DARS2: variants seen among roughly 807,000 people sequenced by gnomAD.
DARS2 encodes aspartate--tRNA ligase, mitochondrial.
In DARS2, 63 loss-of-function variants were observed where a neutral mutation model predicts 83.0. That is an observed-to-expected ratio of 0.76 (90% CI 0.62 to 0.94). The LOEUF (loss-of-function observed/expected upper bound fraction) is 0.94. DARS2 is among the 40% of genes least tolerant of loss of function. The probability of loss-of-function intolerance (pLI) is 0.00; values close to 1 mark genes in which losing one functional copy is unlikely to be tolerated. For missense variants in DARS2, 675 were observed against 774.4 expected (o/e 0.87, Z 1.52); for synonymous variants, 250 against 269.3 (o/e 0.93, Z 0.70).
intron 2 of DARS2, 128 bp downstream of exon 2, chr1:173,826,914 C>T (rs954714228): frequency 1.3e-6 from 1 of 751,870 alleles, no homozygotes; most frequent in African/African-American, 1.7e-5. Context: ...TAAGAACTTA[C>T]TGAATTTTCA....
At chr1:173,854,904 G>T (rs1653804743) in intron 15 of DARS2, among the ~76,000 whole-genome samples, 1 of 152,156 alleles carries the variant, frequency 6.6e-6, no homozygotes, top group Non-Finnish European at 1.5e-5. Context: ...AGAATTTGAA[G>T]TTTGTTGGTG....
chr1:173,826,484 C>T (rs919289844), intron 1 of DARS2, among the ~76,000 whole-genome samples: 1 of 152,094 alleles, frequency 6.6e-6, no homozygotes, highest in African/African-American at 2.4e-5. Context: ...TTCAGTTATT[C>T]ACTTGGCTTT....
chr1:173,845,692 C>T (rs1265182772), intron 12 of DARS2, among the ~76,000 whole-genome samples: 2 of 152,064 alleles, frequency 1.3e-5, no homozygotes, highest in Non-Finnish European at 2.9e-5. Flanking sequence ...CGCACCACCG[C>T]ACTCCAGCCT....
chr1:173,839,157 C>G (rs1274477182), intron 9 of DARS2, among the ~76,000 whole-genome samples: 1 of 152,192 alleles, frequency 6.6e-6, no homozygotes, highest in Non-Finnish European at 1.5e-5. Flanking sequence ...ACTTAGTTCT[C>G]TGAGCCTTCA....
intron 7 of DARS2, among the ~76,000 whole-genome samples, chr1:173,835,407 A>G (rs993040119): frequency 6.8e-6 from 1 of 147,122 alleles, no homozygotes; most frequent in East Asian, 2.3e-4. Flanking sequence ...TTGGTTCTTT[A>G]AGAACAAATC....
At chr1:173,850,533 C>G in intron 13 of DARS2, 54 bp downstream of exon 13, 1 of 1,566,974 alleles carries the variant, frequency 6.4e-7, no homozygotes, top group South Asian at 1.1e-5. Context: ...CAATGCCTTA[C>G]TCTCCTATGT....
chr1:173,846,887 T>A (rs1303370461), intron 12 of DARS2, among the ~76,000 whole-genome samples: 2 of 152,170 alleles, frequency 1.3e-5, no homozygotes, highest in African/African-American at 4.8e-5. Context: ...AAGGAATTAA[T>A]ATTAAAGTTC....
intron 11 of DARS2, among the ~76,000 whole-genome samples, chr1:173,844,070 A>G (rs1653330055): frequency 1.3e-5 from 2 of 152,222 alleles, no homozygotes; most frequent in African/African-American, 4.8e-5. Flanking sequence ...AAGTTCTCAC[A>G]TAGGGGATCT....
intron 11 of DARS2, among the ~76,000 whole-genome samples, chr1:173,843,470 G>A (rs1490774941): frequency 6.6e-6 from 1 of 152,140 alleles, no homozygotes; most frequent in African/African-American, 2.4e-5. Flanking sequence ...TGAGGCAGAA[G>A]AATCGCTTGA....
chr1:173,855,328 C>T (rs1653820600), intron 15 of DARS2, among the ~76,000 whole-genome samples: 1 of 152,172 alleles, frequency 6.6e-6, no homozygotes, highest in African/African-American at 2.4e-5. Context: ...TCTCGAACTC[C>T]TGACCTCAAG....
rs927679423 is a variant in DARS2, at chr1:173,839,481, A to G, written c.955A>G (p.Met319Val). 23 of 1,613,958 alleles carry G rather than the reference A, an allele frequency of 1.4e-5. No individual in the cohort carries two copies. The highest frequency in any genetic ancestry group is 8.0e-5 in the African/African-American group (6 of 74,878). Residue 319 changes from methionine to valine, a missense_variant, in exon 10 of 17, where the codon ATG becomes GTG. Met to Val is a conservative substitution (Grantham distance 21, BLOSUM62 1). Coordinates refer to ENST00000649689, the MANE Select transcript of DARS2 (RefSeq NM_018122.5). ...KDPVVVPFPT[M>V]TFAEVLATYG... ...TCCTGTGGTTGTTCCTTTTCCTACTATGACTTTTGCTGAGGTGCTGGCCAC... is the reference window on the plus strand; with the variant it reads ...TCCTGTGGTTGTTCCTTTTCCTACTGTGACTTTTGCTGAGGTGCTGGCCAC...
intron 13 of DARS2, chr1:173,851,900 G>A: frequency 1.0e-6 from 1 of 985,252 alleles, no homozygotes; most frequent in Non-Finnish European, 1.2e-6. Context: ...CCCTACAATA[G>A]TAAAATGAAG....
At chr1:173,836,720 C>T (rs1456405237) in intron 7 of DARS2, among the ~76,000 whole-genome samples, 1 of 152,144 alleles carries the variant, frequency 6.6e-6, no homozygotes, top group Non-Finnish European at 1.5e-5. Flanking sequence ...CAAGCATAAA[C>T]TTAACACCTA....
intron 13 of DARS2, 36 bp from the exon 14 acceptor site, chr1:173,853,313 A>AAACATT: frequency 6.2e-7 from 1 of 1,600,998 alleles, no homozygotes; most frequent in South Asian, 1.1e-5. Context: ...TGCTCTGTCA[A>AAACATT]GAAGTTAACT....
chr1:173,847,553 T>C (rs1653482005), intron 12 of DARS2, among the ~76,000 whole-genome samples: 1 of 152,168 alleles, frequency 6.6e-6, no homozygotes, highest in Admixed American at 6.6e-5. Context: ...ATTTGGCTTC[T>C]AATTGCTTTC....
At position 173,840,922 on chromosome 1, in the gene DARS2, A is replaced by C; in HGVS notation, c.1077A>C (p.Ala359=). 1 of 1,613,308 alleles carries C rather than the reference A, an allele frequency of 6.2e-7. No individual in the cohort carries two copies. The change falls in exon 11 of 17, where the codon GCA becomes GCC. Residue 359 remains alanine (A), a synonymous_variant. Transcript: ENST00000649689. The part of the protein sequence containing the change: ...RNTEIGFLQD[A]LSKPHGTVKA... ...CAGAGATTGGATTTCTTCAAGATGC[A>C]CTTAGTAAGCCCCATGGAACTGTGA... is the stretch of plus-strand genomic sequence containing the variant.
intron 13 of DARS2, 118 bp downstream of exon 13, chr1:173,850,597 G>T: frequency 9.5e-7 from 1 of 1,056,680 alleles, no homozygotes; most frequent in Non-Finnish European, 1.3e-6. Flanking sequence ...GAGCTGCTCT[G>T]CATAAATCTT....
Position 173,833,524 on chromosome 1 carries a change from T to C in DARS2, c.616+25T>C, listed in dbSNP as rs374932532. 1.2e-5 allele frequency: 20 copies of C among 1,613,920 alleles called. No individual in the cohort carries two copies. The African/African-American group carries it at 2.1e-4, about 17-fold the overall frequency. ...GGTAAGAGAAATGCCTGGATGCTCT[T>C]TGGAGCTTTGTAGCATCTCTTCTAT... On this transcript the variant is annotated intron_variant, in intron 6 of 16. Coordinates refer to ENST00000649689, the MANE Select transcript of DARS2 (RefSeq NM_018122.5).
chr1:173,854,071 G>A (rs1653775662), intron 15 of DARS2, among the ~76,000 whole-genome samples, 166 bp downstream of exon 15: 2 of 152,164 alleles, frequency 1.3e-5, no homozygotes, highest in African/African-American at 2.4e-5. Flanking sequence ...AGTCTCCTGT[G>A]CTTAAGCCAT....
Sources: allele counts gnomAD v4.1 joint callset (sites outside exome capture counted in the v4.1 genomes callset), GRCh38; gene constraint gnomAD v4.1.1; transcripts MANE v1.5; gene names NCBI Gene and HGNC (gene_info 2026-07-23, HGNC 2026-07-21).